Variants in KLRG1 observed in about 807,000 individuals in gnomAD.
The protein encoded by KLRG1 is killer cell lectin like receptor G1, also known as killer cell lectin-like receptor subfamily G member 1.
A neutral mutation model predicts 21.8 loss-of-function variants in KLRG1; 16 were observed. The observed-to-expected ratio is 0.73, with a 90% CI of 0.50 to 1.11. The LOEUF (loss-of-function observed/expected upper bound fraction) is 1.11, where lower values mean the gene tolerates loss of function less well. Among genes scored for constraint, KLRG1 ranks in the 50% most tolerant of loss-of-function variants. The probability of loss-of-function intolerance (pLI) is 0.00; values close to 1 mark genes in which losing one functional copy is unlikely to be tolerated. For missense variants in KLRG1, 173 were observed against 218.3 expected (o/e 0.79, Z 1.31); for synonymous variants, 69 against 75.9 (o/e 0.91, Z 0.47).
the KLRG1 span, among the ~76,000 whole-genome samples, chr12:9,140,042 G>A: frequency 6.6e-6 from 1 of 152,176 alleles, no homozygotes; most frequent in East Asian, 1.9e-4. Flanking sequence ...TCTTGGGATG[G>A]GCATGTCTCT....
At chr12:8,981,302 A>C (rs1484993230) in intron 1 of KLRG1, among the ~76,000 whole-genome samples, 1 of 152,084 alleles carries the variant, frequency 6.6e-6, no homozygotes, top group Admixed American at 6.5e-5. Flanking sequence ...TCTTCTACTT[A>C]CATTGGTTTT....
At chr12:9,196,504 A>G in the KLRG1 span, 1 of 1,572,670 alleles carries the variant, frequency 6.4e-7, no homozygotes, top group African/African-American at 1.4e-5. Context: ...TTTCTTACAA[A>G]TGACCTTTAT....
At chr12:9,056,188 G>A in the KLRG1 span, among the ~76,000 whole-genome samples, 1 of 152,166 alleles carries the variant, frequency 6.6e-6, no homozygotes, top group Non-Finnish European at 1.5e-5. Flanking sequence ...AGCTTCAACG[G>A]GACAGGGCTA....
intron 1 of KLRG1, among the ~76,000 whole-genome samples, chr12:8,966,268 A>G (rs942332017): frequency 3.3e-5 from 5 of 152,224 alleles, no homozygotes; most frequent in African/African-American, 1.2e-4. Context: ...CATTCAGGAC[A>G]TAGGCATGGG....
At chr12:9,063,171 G>T in the KLRG1 span, among the ~76,000 whole-genome samples, 4 of 152,148 alleles carry the variant, frequency 2.6e-5, no homozygotes, top group Non-Finnish European at 1.5e-5. Context: ...CTCCTGGCCA[G>T]AATTCTTGAT....
intron 1 of KLRG1, among the ~76,000 whole-genome samples, chr12:8,973,457 C>T (rs1353723045): frequency 6.6e-6 from 1 of 152,072 alleles, no homozygotes; most frequent in East Asian, 1.9e-4. Context: ...TGCCTTCTGC[C>T]CATATGAGAA....
chr12:8,968,249 A>G (rs901277720), intron 1 of KLRG1, among the ~76,000 whole-genome samples: 35 of 151,254 alleles, frequency 2.3e-4, no homozygotes, highest in Non-Finnish European at 4.4e-4. Context: ...AACAAAAAAA[A>G]AACCACACTG....
chr12:9,036,778 C>T, the KLRG1 span: 1 of 388,612 alleles, frequency 2.6e-6, no homozygotes, highest in South Asian at 2.4e-5. Flanking sequence ...TTTGATTTTG[C>T]TGGACCTGCA....
chr12:9,070,370 A>G, the KLRG1 span: 1 of 712,642 alleles, frequency 1.4e-6, no homozygotes. Flanking sequence ...AGCTGGAAAA[A>G]GGATAAGGCT....
At chr12:9,152,445 G>T in the KLRG1 span, 1 of 676,072 alleles carries the variant, frequency 1.5e-6, no homozygotes, top group Non-Finnish European at 2.6e-6. Flanking sequence ...TGTGTTCCCT[G>T]GACTTGTGCA....
chr12:9,109,299 G>T, the KLRG1 span: 2 of 1,579,996 alleles, frequency 1.3e-6, no homozygotes, highest in African/African-American at 1.3e-5. Context: ...CCCCACAAAA[G>T]ATTTTTAAAA....
At chr12:8,972,217 G>A (rs1946581103) in intron 1 of KLRG1, among the ~76,000 whole-genome samples, 1 of 152,134 alleles carries the variant, frequency 6.6e-6, no homozygotes, top group African/African-American at 2.4e-5. Flanking sequence ...GAGTGCAGTG[G>A]CGCAATCTCA....
At chr12:9,165,095 CT>C in the KLRG1 span, 1 of 1,582,930 alleles carries the variant, frequency 6.3e-7, no homozygotes, top group Admixed American at 1.7e-5. Flanking sequence ...TCAAAGGAAT[CT>C]TTTGTTCTAC....
At chr12:9,160,614 A>T in the KLRG1 span, 2 of 861,440 alleles carry the variant, frequency 2.3e-6, no homozygotes, top group Non-Finnish European at 3.6e-6. Flanking sequence ...ATATACACAG[A>T]GTGTGACTTC....
intron 3 of KLRG1, among the ~76,000 whole-genome samples, chr12:9,001,138 T>C (rs769983604): frequency 2.0e-5 from 3 of 152,344 alleles, no homozygotes; most frequent in South Asian, 2.1e-4. Flanking sequence ...ATATGCTCTA[T>C]ATTTTTACTC....
chr12:9,086,201 C>A, the KLRG1 span, among the ~76,000 whole-genome samples: 1 of 152,272 alleles, frequency 6.6e-6, no homozygotes, highest in East Asian at 1.9e-4. Context: ...AAAAGAATTA[C>A]AGACCAATAT....
the KLRG1 span, among the ~76,000 whole-genome samples, chr12:9,125,689 A>G: frequency 1.6e-4 from 25 of 152,332 alleles, no homozygotes; most frequent in African/African-American, 5.8e-4. Context: ...GGTTTTAGAT[A>G]AAAACTGAGT....
the KLRG1 span, chr12:9,194,078 C>G: frequency 1.2e-6 from 2 of 1,611,482 alleles, no homozygotes; most frequent in South Asian, 1.1e-5. Flanking sequence ...TATACTTACC[C>G]GGACAAAAAG....
the KLRG1 span, among the ~76,000 whole-genome samples, chr12:9,144,233 G>A: frequency 1.3e-5 from 2 of 152,146 alleles, no homozygotes; most frequent in African/African-American, 4.8e-5. Flanking sequence ...GGAGGAGGAG[G>A]GGACAAGTGT....
Sources: gnomAD v4.1 joint callset for allele counts (sites outside exome capture counted in the v4.1 genomes callset) on GRCh38, gnomAD v4.1.1 for gene constraint, MANE v1.5 for transcripts, NCBI Gene and HGNC (gene_info 2026-07-23, HGNC 2026-07-21) for gene names.